CTNNA2: variants seen among roughly 807,000 people sequenced by gnomAD.
CTNNA2 encodes catenin alpha 2, also known as catenin alpha-2.
CTNNA2 carries 42 observed loss-of-function variants against 101.0 expected under a neutral mutation model. The observed-to-expected ratio is 0.42, with a 90% CI of 0.32 to 0.54. CTNNA2 has a LOEUF of 0.54. Ranked by LOEUF, CTNNA2 falls within the 20% of genes least tolerant of loss-of-function variation. The pLI, the probability that CTNNA2 is intolerant of heterozygous loss-of-function variation, is 0.14. For missense variants in CTNNA2, 871 were observed against 1,223.1 expected (o/e 0.71, Z 4.29); for synonymous variants, 450 against 456.4 (o/e 0.99, Z 0.18).
chr2:80,311,389 G>T (rs370322708), intron 7 of CTNNA2, among the ~76,000 whole-genome samples: 1 of 151,992 alleles, frequency 6.6e-6, no homozygotes, highest in East Asian at 1.9e-4. Flanking sequence ...CATGTTTTGG[G>T]GCCCCTCTCC....
At chr2:79,575,231 G>A (rs1055297023) in intron 1 of CTNNA2, among the ~76,000 whole-genome samples, 6 of 152,188 alleles carry the variant, frequency 3.9e-5, no homozygotes, top group Admixed American at 1.3e-4. Flanking sequence ...TGTTCACCCA[G>A]TTGAAATATC....
chr2:80,232,337 GTTTGTTTGTTTTTTTTTTTTTTTTTT>G (rs1709272895), intron 7 of CTNNA2, among the ~76,000 whole-genome samples: 6 of 45,094 alleles, frequency 1.3e-4, no homozygotes, highest in East Asian at 1.8e-3. Context: ...TTGTTTGTTT[GTTTGTTTGTTTTTTTTTTTTTTTTTT>G]TTTTTTTTTT....
intron 4 of CTNNA2, among the ~76,000 whole-genome samples, chr2:79,407,136 T>A (rs930738080): frequency 1.3e-5 from 2 of 152,060 alleles, no homozygotes; most frequent in African/African-American, 4.8e-5. Flanking sequence ...TGGTCAAGTT[T>A]GTAAAACTAG....
intron 9 of CTNNA2, among the ~76,000 whole-genome samples, chr2:80,487,604 T>C (rs1686696266): frequency 6.6e-6 from 1 of 152,152 alleles, no homozygotes; most frequent in Admixed American, 6.5e-5. Context: ...GCCCCCATGA[T>C]TCAATTACCT....
At chr2:79,766,610 A>G (rs547046191) in intron 3 of CTNNA2, among the ~76,000 whole-genome samples, 1 of 152,176 alleles carries the variant, frequency 6.6e-6, no homozygotes, top group African/African-American at 2.4e-5. Flanking sequence ...CCTTTGAATA[A>G]ACTTTCTACC....
chr2:79,312,485 G>A (rs1676398492), intron 2 of CTNNA2, among the ~76,000 whole-genome samples: 1 of 152,086 alleles, frequency 6.6e-6, no homozygotes, highest in Admixed American at 6.6e-5. Flanking sequence ...AGTACTTTGT[G>A]TGTCAGAAAT....
At chr2:80,067,899 C>T (rs772243031) in intron 7 of CTNNA2, among the ~76,000 whole-genome samples, 2 of 152,176 alleles carry the variant, frequency 1.3e-5, no homozygotes, top group Non-Finnish European at 2.9e-5. Context: ...AGTGGATGCT[C>T]CAGCTCCAGT....
chr2:79,331,874 G>A (rs185976211), intron 3 of CTNNA2, among the ~76,000 whole-genome samples: 91 of 152,282 alleles, frequency 6.0e-4, no homozygotes, highest in Non-Finnish European at 1.0e-3. Flanking sequence ...AACAAAATAC[G>A]TAGGTGCTTG....
At chr2:79,486,117 A>T (rs1671154346) in intron 4 of CTNNA2, among the ~76,000 whole-genome samples, 1 of 152,150 alleles carries the variant, frequency 6.6e-6, no homozygotes, top group Non-Finnish European at 1.5e-5. Flanking sequence ...GTACATGTGC[A>T]CAACGTGCAG....
At chr2:80,202,709 G>T (rs1707280213) in intron 7 of CTNNA2, among the ~76,000 whole-genome samples, 1 of 150,722 alleles carries the variant, frequency 6.6e-6, no homozygotes, top group Non-Finnish European at 1.5e-5. Flanking sequence ...ATGGAGCAAA[G>T]AACTTTGTTT....
chr2:79,539,492 A>G (rs1022100996), intron 1 of CTNNA2, among the ~76,000 whole-genome samples: 1 of 152,240 alleles, frequency 6.6e-6, no homozygotes, highest in South Asian at 2.1e-4. Context: ...GAATTCTAGC[A>G]GCTCAAAGAA....
At chr2:79,360,560 GATAA>G (rs1243763479) in intron 3 of CTNNA2, among the ~76,000 whole-genome samples, 5 of 151,736 alleles carry the variant, frequency 3.3e-5, no homozygotes, top group Non-Finnish European at 5.9e-5. Flanking sequence ...TTGTGTAGAT[GATAA>G]ATAAAAAGAT....
intron 7 of CTNNA2, among the ~76,000 whole-genome samples, chr2:80,038,535 A>G (rs1259042378): frequency 6.6e-6 from 1 of 152,162 alleles, no homozygotes; most frequent in African/African-American, 2.4e-5. Context: ...AGCCTGGGCA[A>G]CATGGTGAAA....
At position 79,937,643 on chromosome 2, in the gene CTNNA2, G is replaced by T. The variant is rs186460658; in HGVS notation, c.1056+27846G>T. On this transcript the variant is annotated intron_variant, in intron 7 of 18. Transcript: ENST00000402739. Reference sequence around the variant, plus strand: ...GAAAAAAATACAATGACATGAAAATGAAATTAAATATTAAGAAGATACTGA... The same window carrying T: ...GAAAAAAATACAATGACATGAAAATTAAATTAAATATTAAGAAGATACTGA... 2.0e-4 allele frequency among the ~76,000 whole-genome samples: 31 copies of T among 152,290 alleles called. 1 individual carries two copies. In the East Asian group the frequency reaches 5.8e-3, roughly 28 times the overall value.
At chr2:80,380,468 T>G (rs1364429299) in intron 7 of CTNNA2, among the ~76,000 whole-genome samples, 1 of 152,152 alleles carries the variant, frequency 6.6e-6, no homozygotes, top group African/African-American at 2.4e-5. Flanking sequence ...CAATGGAGAA[T>G]TAAGTCTCTC....
intron 4 of CTNNA2, among the ~76,000 whole-genome samples, chr2:79,393,370 G>C (rs965260323): frequency 6.6e-6 from 1 of 152,162 alleles, no homozygotes; most frequent in African/African-American, 2.4e-5. Flanking sequence ...GCCAAAATCT[G>C]ACTACTGCCT....
intron 7 of CTNNA2, among the ~76,000 whole-genome samples, chr2:80,095,397 C>T: frequency 6.6e-6 from 1 of 152,014 alleles, no homozygotes. Flanking sequence ...CTGCTGGATT[C>T]AGTTTGCCAG....
Position 79,349,435 on chromosome 2 carries a change from C to G in CTNNA2, c.-317-24396C>G, listed in dbSNP as rs955057053. Among the ~76,000 whole-genome samples, 6 of 152,050 alleles carry G rather than the reference C, an allele frequency of 3.9e-5. 1 individual carries two copies. Among genetic ancestry groups the G allele is most frequent in the African/African-American group, 1.4e-4 (6 of 41,396 alleles). On this transcript the variant is annotated intron_variant, in intron 3 of 21. Transcript: ENST00000466387. ...CTCTAGGGTTAGGGCTAATAAATTG[C>G]CCCAAGTGATTCTGATTTGCTCTAG...
At chr2:80,429,405 A>G (rs908744416) in intron 9 of CTNNA2, among the ~76,000 whole-genome samples, 2 of 152,168 alleles carry the variant, frequency 1.3e-5, no homozygotes, top group African/African-American at 2.4e-5. Flanking sequence ...AAGAGGCAGA[A>G]TCCATGCATA....
Sources: gnomAD v4.1 joint callset for allele counts (sites outside exome capture counted in the v4.1 genomes callset) on GRCh38, gnomAD v4.1.1 for gene constraint, MANE v1.5 for transcripts, NCBI Gene and HGNC (gene_info 2026-07-23, HGNC 2026-07-21) for gene names.